TTC38: variants seen among roughly 807,000 people sequenced by gnomAD.
The protein encoded by TTC38 is tetratricopeptide repeat protein 38.
Under a neutral mutation model 64.2 loss-of-function variants are expected in TTC38, and 64 were observed. The observed-to-expected ratio is 1.00, with a 90% CI of 0.81 to 1.23. The LOEUF is 1.23. TTC38 is among the 50% of genes most tolerant of loss of function. TTC38 has a pLI of 0.00. For missense variants in TTC38, 573 were observed against 615.5 expected (o/e 0.93, Z 0.73); for synonymous variants, 254 against 249.3 (o/e 1.02, Z -0.18).
chr22:46,275,917 T>C lies in TTC38; in HGVS notation c.539+496T>C, dbSNP rs777036912. ...CCACTCCCAAGTCATTGGCCAGAAC[T>C]GATCACATGACCTCACCCACCCACA... is the stretch of plus-strand genomic sequence containing the variant. On this transcript the variant is annotated intron_variant, in intron 5 of 13. Transcript: ENST00000381031. The surrounding 1 kb of genome is among the most constrained non-coding windows in gnomAD (Gnocchi z 4.5). Among the ~76,000 whole-genome samples the C allele has an allele frequency of 7.9e-5, 12 of 152,138 alleles. No homozygotes were observed. The highest frequency in any genetic ancestry group is 1.6e-4 in the Non-Finnish European group (11 of 68,018).
chr22:46,277,042 T>TAC (rs1478498696), intron 5 of TTC38, among the ~76,000 whole-genome samples: 1 of 71,382 alleles, frequency 1.4e-5, no homozygotes, highest in Non-Finnish European at 2.8e-5. Context: ...TACATATATA[T>TAC]ACATACACAC....
chr22:46,271,197 AG>A lies in TTC38; in HGVS notation c.112-1136del, dbSNP rs1936887676. Among the ~76,000 whole-genome samples the A allele has an allele frequency of 6.6e-6, 1 of 152,208 alleles. No homozygotes were observed. The highest frequency in any genetic ancestry group is 1.5e-5 in the Non-Finnish European group (1 of 68,032). ...AGGGCAGAAGAAGCCGATGTGGAGC[AG>A]GTCACCTGTCAGGAGGAACCTGCCT... On this transcript the variant is annotated intron_variant, in intron 2 of 13. Transcript: ENST00000381031. This position sits in a 1 kb window ranked among gnomAD's most constrained non-coding sequence, Gnocchi z 5.5.
intron 9 of TTC38, 98 bp from the exon 10 acceptor site, chr22:46,286,975 C>A: frequency 1.1e-6 from 1 of 908,410 alleles, no homozygotes; most frequent in Non-Finnish European, 1.7e-6. Flanking sequence ...TTGCTCTATG[C>A]AGGCCCCACC....
At chr22:46,268,320 C>T (rs1438533641) in intron 1 of TTC38, among the ~76,000 whole-genome samples, 194 bp from the exon 2 acceptor site, 1 of 152,246 alleles carries the variant, frequency 6.6e-6, no homozygotes, top group African/African-American at 2.4e-5. Flanking sequence ...AAACGTAGCT[C>T]ACTGGGCATG....
At chr22:46,289,980 C>G (rs1025614094) in intron 13 of TTC38, 81 bp downstream of exon 13, 3 of 1,270,034 alleles carry the variant, frequency 2.4e-6, no homozygotes, top group South Asian at 1.2e-5. Context: ...GAAGCCCCAC[C>G]ACCCTTGGCC....
chr22:46,292,282 C>G lies in TTC38; in HGVS notation c.1317-509C>G, dbSNP rs939112901. 2 of 424,290 alleles carry G rather than the reference C, an allele frequency of 4.7e-6. No individual in the cohort carries two copies. The highest frequency in any genetic ancestry group is 9.3e-6 in the Non-Finnish European group (2 of 215,028). 26.3% of individuals were successfully genotyped at this position (424,290 alleles called of 1,614,324 possible). A position where few individuals can be genotyped will look rare whatever the true frequency, so the allele number is the denominator to read the frequency against. ...CACTGTAAACTCAAACTCCTGGGCT[C>G]AAGGAATCTTCCTGCCTCATCCTTC... On this transcript the variant is annotated intron_variant, in intron 13 of 13. Coordinates refer to ENST00000381031, the MANE Select transcript of TTC38 (RefSeq NM_017931.4). This position sits in a 1 kb window ranked among gnomAD's most constrained non-coding sequence, Gnocchi z 6.5.
chr22:46,284,360 C>T (rs1179035107), intron 8 of TTC38, among the ~76,000 whole-genome samples: 1 of 152,242 alleles, frequency 6.6e-6, no homozygotes, highest in African/African-American at 2.4e-5. Flanking sequence ...GGCAGCTGCT[C>T]AGGACACCCT....
rs758960885 is a variant in TTC38, at chr22:46,283,956, T to G, written c.736-17T>G. ...CTTCAGACTTTTCATAAATTCTCTT[T>G]TTTTTTTTTTCTCCAGGACTCTGAT... On this transcript the variant is annotated splice_polypyrimidine_tract_variant and intron_variant, in intron 7 of 13. Coordinates refer to ENST00000381031, the MANE Select transcript of TTC38 (RefSeq NM_017931.4). 9.6e-6 allele frequency: 15 copies of G among 1,565,880 alleles called. No homozygotes were observed. Among genetic ancestry groups the G allele is most frequent in the African/African-American group, 4.1e-5 (3 of 72,788 alleles).
At chr22:46,284,422 G>A (rs2077557167) in intron 8 of TTC38, among the ~76,000 whole-genome samples, 1 of 152,228 alleles carries the variant, frequency 6.6e-6, no homozygotes, top group Non-Finnish European at 1.5e-5. Context: ...GTCACTTGCA[G>A]TGCTCCTTAT....
rs948658000 is a variant in TTC38 at position 46,273,442 on chromosome 22, A to G, written c.194-456A>G. 6.6e-6 allele frequency among the ~76,000 whole-genome samples: 1 copy of G among 152,170 alleles called. No homozygotes were observed. The highest frequency in any genetic ancestry group is 2.4e-5 in the African/African-American group (1 of 41,434). On this transcript the variant is annotated intron_variant, in intron 3 of 13. Transcript: ENST00000381031. This position sits in a 1 kb window ranked among gnomAD's most constrained non-coding sequence, Gnocchi z 5.1. ...CTGCTGCGAGGGCCACAAGGCACTC[A>G]CCCCCACCCTAACTTTTAGCATGTG... is the stretch of plus-strand genomic sequence containing the variant.
Position 46,289,555 on chromosome 22 carries a change from T to C in TTC38, c.1236T>C (p.Asn412=), listed in dbSNP as rs2077597880. Residue 412 remains asparagine (N), a synonymous_variant, in exon 12 of 14, where the codon AAT becomes AAC. Coordinates refer to ENST00000381031, the MANE Select transcript of TTC38 (RefSeq NM_017931.4). The stretch of plus-strand genomic sequence containing the variant: ...GGATCGTCCAGCTCGGTGGGAGCAA[T>C]GCCCAGGTGAGCCGATGGCCGCCAG... ...RYRIVQLGGS[N]AQRDVFNQLL... 1 of 1,582,280 alleles carries C rather than the reference T, an allele frequency of 6.3e-7. No individual in the cohort carries two copies. Among genetic ancestry groups the C allele is most frequent in the Non-Finnish European group, 8.6e-7 (1 of 1,164,758 alleles).
intron 6 of TTC38, among the ~76,000 whole-genome samples, chr22:46,278,967 A>T (rs2077514014): frequency 6.6e-6 from 1 of 152,214 alleles, no homozygotes; most frequent in South Asian, 2.1e-4. Context: ...GGTTGCACAG[A>T]ATGGCAGGTC....
At position 46,282,480 on chromosome 22, in the gene TTC38, CT is replaced by C. The variant is rs1569022214; in HGVS notation, c.735+763del. 6.6e-6 allele frequency among the ~76,000 whole-genome samples: 1 copy of C among 152,218 alleles called. No individual in the cohort carries two copies. The highest frequency in any genetic ancestry group is 2.4e-5 in the African/African-American group (1 of 41,446). ...GGGCTCAAGGGAGATGGGGCCTCCCCTGGGACAGGGACACAGCGTCGCTCAC... is the reference window on the plus strand; with the variant it reads ...GGGCTCAAGGGAGATGGGGCCTCCCCGGGACAGGGACACAGCGTCGCTCAC... On this transcript the variant is annotated intron_variant, in intron 7 of 13. Coordinates refer to ENST00000381031, the MANE Select transcript of TTC38 (RefSeq NM_017931.4). The surrounding 1 kb of genome is among the most constrained non-coding windows in gnomAD (Gnocchi z 4.4).
At position 46,274,857 on chromosome 22, in the gene TTC38, C is replaced by T. The variant is rs189941879; in HGVS notation, c.366-391C>T. On this transcript the variant is annotated intron_variant, in intron 4 of 13. Coordinates refer to ENST00000381031, the MANE Select transcript of TTC38 (RefSeq NM_017931.4). This position sits in a 1 kb window ranked among gnomAD's most constrained non-coding sequence, Gnocchi z 4.8. Reference sequence around the variant, plus strand: ...TTACATTTATTTATTTAGAGTTTTGCTCTTGTCGCCCAGGCTGGAATGCAG... The same window carrying T: ...TTACATTTATTTATTTAGAGTTTTGTTCTTGTCGCCCAGGCTGGAATGCAG... Among the ~76,000 whole-genome samples the T allele has an allele frequency of 6.6e-6, 1 of 151,912 alleles. No individual in the cohort carries two copies. Among genetic ancestry groups the T allele is most frequent in the Non-Finnish European group, 1.5e-5 (1 of 67,998 alleles).
chr22:46,283,051 C>G (rs1333220803), intron 7 of TTC38, among the ~76,000 whole-genome samples: 1 of 152,168 alleles, frequency 6.6e-6, no homozygotes, highest in African/African-American at 2.4e-5. Context: ...ACCTCGGCCT[C>G]CCAAATAGCA....
intron 6 of TTC38, chr22:46,280,225 G>T (rs1408347569): frequency 1.3e-5 from 6 of 470,506 alleles, no homozygotes; most frequent in Non-Finnish European, 2.6e-5. Context: ...CAGGCAGGCG[G>T]CAGGCACAGG....
At chr22:46,287,675 C>T (rs1054931234) in intron 10 of TTC38, among the ~76,000 whole-genome samples, 1 of 152,238 alleles carries the variant, frequency 6.6e-6, no homozygotes, top group Non-Finnish European at 1.5e-5. Context: ...TTGTCTCAGG[C>T]TCAGCAGAGT....
rs1340598757 is a variant in TTC38 at position 46,273,491 on chromosome 22, A to C, written c.194-407A>C. On this transcript the variant is annotated intron_variant, in intron 3 of 13. Transcript: ENST00000381031. The surrounding 1 kb of genome is among the most constrained non-coding windows in gnomAD (Gnocchi z 5.1). ...TGTGAGCAGCACAGATGGGATCATGACTTCTGTGCTCCGGGGCCTCCTTGG... is the reference window on the plus strand; with the variant it reads ...TGTGAGCAGCACAGATGGGATCATGCCTTCTGTGCTCCGGGGCCTCCTTGG... 6.6e-6 allele frequency among the ~76,000 whole-genome samples: 1 copy of C among 152,156 alleles called. No individual in the cohort carries two copies. The highest frequency in any genetic ancestry group is 1.5e-5 in the Non-Finnish European group (1 of 68,020).
At position 46,282,087 on chromosome 22, in the gene TTC38, G is replaced by C; in HGVS notation, c.735+369G>C. ...CATTAAACTCAACTGGGCTTGGGGGGACAGTGGCTAGGGAAGGCATCCTGG... is the reference window on the plus strand; with the variant it reads ...CATTAAACTCAACTGGGCTTGGGGGCACAGTGGCTAGGGAAGGCATCCTGG... On this transcript the variant is annotated intron_variant, in intron 7 of 13. Transcript: ENST00000381031. The surrounding 1 kb of genome is among the most constrained non-coding windows in gnomAD (Gnocchi z 4.4). The C allele has an allele frequency of 2.3e-6, 1 of 425,766 alleles. No homozygotes were observed. The highest frequency in any genetic ancestry group is 2.8e-5 in the Admixed American group (1 of 35,708). 26.4% of individuals were successfully genotyped at this position (425,766 alleles called of 1,614,324 possible).
Sources: allele counts gnomAD v4.1 joint callset (sites outside exome capture counted in the v4.1 genomes callset), GRCh38; gene constraint gnomAD v4.1.1; non-coding constraint Gnocchi (gnomAD v3.1); transcripts MANE v1.5; gene names NCBI Gene and HGNC (gene_info 2026-07-23, HGNC 2026-07-21).